The following ADGRG5 variants were observed in gnomAD, a reference collection of about 807,000 sequenced individuals.
ADGRG5 encodes adhesion G protein-coupled receptor G5.
ADGRG5 carries 37 observed loss-of-function variants against 53.2 expected under a neutral mutation model. That is an observed-to-expected ratio of 0.70 (90% CI 0.53 to 0.91). ADGRG5 has a LOEUF of 0.91. Ranked by LOEUF, ADGRG5 falls within the 40% of genes least tolerant of loss-of-function variation. The pLI, the probability that ADGRG5 is intolerant of heterozygous loss-of-function variation, is 0.00. For missense variants in ADGRG5, 614 were observed against 675.8 expected (o/e 0.91, Z 1.01); for synonymous variants, 277 against 290.4 (o/e 0.95, Z 0.47).
chr16:57,536,343 C>T, the ADGRG5 span, among the ~76,000 whole-genome samples: 1 of 152,294 alleles, frequency 6.6e-6, no homozygotes, highest in East Asian at 1.9e-4. Flanking sequence ...GAAAGTTCTG[C>T]TCTGAGTTCG....
In ADGRG5 at chr16:57,570,420, G is replaced by A; in HGVS notation, c.1093G>A (p.Ala365Thr). The A allele has an allele frequency of 6.2e-7, 1 of 1,610,806 alleles. No individual in the cohort carries two copies. Among genetic ancestry groups the A allele is most frequent in the Middle Eastern group, 1.8e-4 (1 of 5,486 alleles). ...TGAGCCTTTGTCCCACCCCTCAGGG[G>A]CCCCAGCCCTCCTGGTGCTGCTTTC... ...VFKLGVLGWGAPALLVLLSLS... is the reference protein window; with the variant it reads ...VFKLGVLGWGTPALLVLLSLS... The change falls in exon 10 of 12, where the codon GCC becomes ACC. Residue 365 changes from alanine to threonine, a missense_variant and splice_region_variant. Transcript: ENST00000349457.
chr16:57,566,655 GGGGGGCTGGAGCCCTGA>G lies in ADGRG5; in HGVS notation c.607_623del (p.Gly203LeufsTer70). The G allele has an allele frequency of 6.3e-7, 1 of 1,590,312 alleles. No homozygotes were observed. Among genetic ancestry groups the G allele is most frequent in the Non-Finnish European group, 8.6e-7 (1 of 1,169,266 alleles). On this transcript the variant is annotated frameshift_variant, in exon 7 of 12. Transcript: ENST00000349457. LOFTEE classifies it high-confidence loss of function. ...AGGAGGGAGCCAGGAAACAGCCCTG[GGGGGGCTGGAGCCCTGA>G]GGGCTGTCGTACAGAGCAGCCCTCC...
chr16:57,568,880 C>A (rs1240115600), intron 9 of ADGRG5, among the ~76,000 whole-genome samples: 20 of 151,470 alleles, frequency 1.3e-4, no homozygotes, highest in Admixed American at 1.2e-3. Flanking sequence ...TCCATCACCA[C>A]CTCCTCCACC....
rs2033025564 is a variant in ADGRG5 at position 57,562,397 on chromosome 16, ACTC to A, written c.81_83del (p.Leu28del). 1 of 1,605,456 alleles carries A rather than the reference ACTC, an allele frequency of 6.2e-7. No homozygotes were observed. The highest frequency in any genetic ancestry group is 8.5e-7 in the Non-Finnish European group (1 of 1,177,110). ...GTGTCCCCACAGAGACATGGGAAGA[ACTC>A]CTGAGCTACATGGAGAATATGCAGG... On this transcript the variant is annotated inframe_deletion, in exon 3 of 12. Coordinates refer to ENST00000349457, the MANE Select transcript of ADGRG5 (RefSeq NM_001304376.3).
chr16:57,573,447 A>AG (rs71152278), intron 10 of ADGRG5, among the ~76,000 whole-genome samples: 1 of 150,034 alleles, frequency 6.7e-6, no homozygotes, highest in Non-Finnish European at 1.5e-5. Flanking sequence ...AAAAAAAAAA[A>AG]GGAAAGAGTG....
intron 6 of ADGRG5, chr16:57,565,606 G>A (rs1296694202): frequency 9.8e-6 from 2 of 203,272 alleles, no homozygotes; most frequent in Admixed American, 1.1e-4. Context: ...CCCACAACCT[G>A]CCCCAGTGCA....
intron 1 of ADGRG5, among the ~76,000 whole-genome samples, chr16:57,552,894 AG>A (rs1258062740): frequency 5.9e-5 from 9 of 152,222 alleles, no homozygotes; most frequent in Admixed American, 5.9e-4. Context: ...GCCATTGTAG[AG>A]TTATTCATTG....
At chr16:57,568,643 T>C (rs1439207688) in intron 9 of ADGRG5, among the ~76,000 whole-genome samples, 36 of 97,974 alleles carry the variant, frequency 3.7e-4, no homozygotes, top group Admixed American at 6.9e-4. Context: ...TCCACCTCCT[T>C]CACCACCACC....
intron 3 of ADGRG5, 28 bp from the exon 4 acceptor site, chr16:57,563,063 C>G (rs766178546): frequency 1.2e-6 from 2 of 1,613,464 alleles, no homozygotes; most frequent in African/African-American, 2.7e-5. Flanking sequence ...CGGGCTCTGG[C>G]CTCCCTGGCC....
intron 5 of ADGRG5, 150 bp from the exon 6 acceptor site, chr16:57,564,884 A>AGGCTGGG (rs1555522636): frequency 6.8e-6 from 4 of 586,120 alleles, no homozygotes; most frequent in African/African-American, 2.5e-5. Context: ...GGAGGCTGGG[A>AGGCTGGG]AGGCTGGGAG....
chr16:57,546,278 C>T (rs1298882409), intron 1 of ADGRG5, among the ~76,000 whole-genome samples: 4 of 152,118 alleles, frequency 2.6e-5, no homozygotes, highest in Non-Finnish European at 4.4e-5. Flanking sequence ...GTGCATGGCA[C>T]CATGCTCAGC....
At chr16:57,548,476 G>A (rs1189327951) in intron 1 of ADGRG5, among the ~76,000 whole-genome samples, 2 of 152,000 alleles carry the variant, frequency 1.3e-5, no homozygotes, top group Non-Finnish European at 2.9e-5. Context: ...ATAAGAAACT[G>A]CCAAATGGTT....
upstream of ADGRG5, among the ~76,000 whole-genome samples, chr16:57,539,351 G>T (rs1008742132): frequency 3.9e-5 from 6 of 152,140 alleles, no homozygotes; most frequent in African/African-American, 1.2e-4. Context: ...CTGTTTCATG[G>T]GTATGGAGTT....
intron 1 of ADGRG5, among the ~76,000 whole-genome samples, chr16:57,548,842 AGGTATCACC>A (rs2032683105): frequency 6.6e-6 from 1 of 151,774 alleles, no homozygotes; most frequent in South Asian, 2.1e-4. Flanking sequence ...CAGAGTGTAA[AGGTATCACC>A]ATTTAACCAT....
intron 9 of ADGRG5, among the ~76,000 whole-genome samples, chr16:57,569,842 A>G (rs1368696225): frequency 1.3e-5 from 2 of 151,096 alleles, no homozygotes; most frequent in Non-Finnish European, 2.9e-5. Context: ...CTCCACGTCT[A>G]TCATCACCGT....
the ADGRG5 span, among the ~76,000 whole-genome samples, chr16:57,531,866 AACT>A: frequency 2.6e-5 from 4 of 151,444 alleles, no homozygotes; most frequent in Non-Finnish European, 5.9e-5. Flanking sequence ...TCTTACCTTC[AACT>A]ATGGAGCCAG....
chr16:57,560,642 C>T (rs1318853931), intron 1 of ADGRG5, among the ~76,000 whole-genome samples: 1 of 152,150 alleles, frequency 6.6e-6, no homozygotes, highest in African/African-American at 2.4e-5. Flanking sequence ...TGCATCCTCT[C>T]TCCAGAGAGT....
intron 9 of ADGRG5, among the ~76,000 whole-genome samples, chr16:57,569,536 T>G (rs1191810773): frequency 6.6e-6 from 1 of 151,222 alleles, no homozygotes; most frequent in Non-Finnish European, 1.5e-5. Flanking sequence ...CTCCATCTCC[T>G]CCACCTCTAT....
In ADGRG5 at chr16:57,575,059, C is replaced by T; in HGVS notation, c.1453C>T (p.Leu485=). 3 of 1,613,758 alleles carry T rather than the reference C, an allele frequency of 1.9e-6. No homozygotes were observed. The highest frequency in any genetic ancestry group is 3.3e-4 in the Middle Eastern group (2 of 6,054). ...FSFGVFLLPQ[L]FLFTILNSLY... ...TTTTGGCGTCTTCCTGCTGCCCCAG[C>T]TGTTCCTCTTCACCATCTTAAACTC... Residue 485 remains leucine, a synonymous_variant, in exon 11 of 12, where the codon CTG becomes TTG. Transcript: ENST00000349457.
Sources: gnomAD v4.1 joint callset for allele counts (sites outside exome capture counted in the v4.1 genomes callset) on GRCh38, gnomAD v4.1.1 for gene constraint, MANE v1.5 for transcripts, NCBI Gene and HGNC (gene_info 2026-07-23, HGNC 2026-07-21) for gene names.